The following NCS1 variants were observed in gnomAD, a reference collection of about 807,000 sequenced individuals.
NCS1 encodes the protein frequenin homolog.
In NCS1, 6 loss-of-function variants were observed where a neutral mutation model predicts 28.4. The observed-to-expected ratio is 0.21, with a 90% CI of 0.12 to 0.42. The LOEUF is 0.42. Ranked by LOEUF, NCS1 falls within the 10% of genes least tolerant of loss-of-function variation. NCS1 has a pLI of 1.00. For missense variants in NCS1, 131 were observed against 241.4 expected (o/e 0.54, Z 3.03); for synonymous variants, 86 against 99.3 (o/e 0.87, Z 0.79).
chr9:130,206,774 T>C (rs1209115080), intron 2 of NCS1, among the ~76,000 whole-genome samples: 1 of 151,934 alleles, frequency 6.6e-6, no homozygotes, highest in Non-Finnish European at 1.5e-5. Flanking sequence ...TGCCTGCCTC[T>C]CTCTTGGGAA....
chr9:130,179,181 C>A lies in NCS1; in HGVS notation c.64+6454C>A, dbSNP rs904494953. On this transcript the variant is annotated intron_variant, in intron 1 of 7. Coordinates refer to ENST00000372398, the MANE Select transcript of NCS1 (RefSeq NM_014286.4). ...CTCCTGACCTCAGGTGATTCACTCACCTTGGCCTCCCAAAGTGCTGGGATT... is the reference window on the plus strand; with the variant it reads ...CTCCTGACCTCAGGTGATTCACTCAACTTGGCCTCCCAAAGTGCTGGGATT... Among the ~76,000 whole-genome samples, 9 of 151,816 alleles carry A rather than the reference C, an allele frequency of 5.9e-5. No individual in the cohort carries two copies. The East Asian group carries it at 1.8e-3, about 30-fold the overall frequency.
chr9:130,183,310 G>GT (rs200850484), intron 1 of NCS1, among the ~76,000 whole-genome samples: 6 of 131,134 alleles, frequency 4.6e-5, no homozygotes, highest in South Asian at 4.3e-4. Flanking sequence ...TGCGGCTGGG[G>GT]GGGGGAGCTC....
intron 1 of NCS1, 102 bp downstream of exon 1, chr9:130,172,829 G>A (rs1474576082): frequency 4.4e-6 from 2 of 454,898 alleles, no homozygotes; most frequent in Non-Finnish European, 6.2e-6. Flanking sequence ...CCGCGCTGCC[G>A]CCTCCGCTCC....
chr9:130,203,887 TCC>T (rs1832990568), intron 2 of NCS1, among the ~76,000 whole-genome samples: 1 of 152,120 alleles, frequency 6.6e-6, no homozygotes, highest in Admixed American at 6.5e-5. Context: ...GTCCTCCCCT[TCC>T]CACACCTGGG....
intron 6 of NCS1, among the ~76,000 whole-genome samples, chr9:130,225,453 C>G (rs1010862485): frequency 6.6e-6 from 1 of 152,270 alleles, no homozygotes; most frequent in Non-Finnish European, 1.5e-5. Context: ...TGTGCGTCCA[C>G]GTGGCTTAAG....
At chr9:130,230,045 G>T (rs1833478133) in intron 7 of NCS1, among the ~76,000 whole-genome samples, 1 of 152,114 alleles carries the variant, frequency 6.6e-6, no homozygotes, top group Admixed American at 6.6e-5. Context: ...ATTTGGGGAA[G>T]GGATTAAAAA....
chr9:130,200,736 G>A lies in NCS1; in HGVS notation c.65-222G>A, dbSNP rs537801077. The A allele has an allele frequency of 2.5e-4, 365 of 1,443,130 alleles. 3 individuals are homozygous for A. The African/African-American group carries it at 4.6e-3, about 18-fold the overall frequency. 89.4% of individuals were successfully genotyped at this position (1,443,130 alleles called of 1,614,324 possible). The stretch of plus-strand genomic sequence containing the variant: ...CAGTGGCAGGTAGCACTTGGGCACC[G>A]GGAAGGGGTGGGGCCAGTGTCCCCT... On this transcript the variant is annotated intron_variant, in intron 1 of 7. Coordinates refer to ENST00000372398, the MANE Select transcript of NCS1 (RefSeq NM_014286.4).
chr9:130,200,547 G>A (rs994306536), intron 1 of NCS1: 84 of 1,551,314 alleles, frequency 5.4e-5, no homozygotes, highest in Non-Finnish European at 6.8e-5. Flanking sequence ...TGGGGCAGCC[G>A]AGTGCCTGGG....
intron 1 of NCS1, among the ~76,000 whole-genome samples, chr9:130,199,186 C>T (rs148312334): frequency 2.6e-4 from 39 of 152,084 alleles, no homozygotes; most frequent in African/African-American, 8.2e-4. Context: ...CTCCGCCTCC[C>T]GGGTTCAAGC....
At chr9:130,172,798 C>G in intron 1 of NCS1, 71 bp downstream of exon 1, 1 of 836,534 alleles carries the variant, frequency 1.2e-6, no homozygotes, top group Non-Finnish European at 1.6e-6. Context: ...CCCCGCCCCC[C>G]GGACCCGCGC....
rs782129069 is a variant in NCS1, at chr9:130,223,179, C to T, written c.474+20C>T. 1.2e-6 allele frequency: 2 copies of T among 1,603,756 alleles called. No homozygotes were observed. Among genetic ancestry groups the T allele is most frequent in the South Asian group, 1.1e-5 (1 of 90,792 alleles). ...GATAAGGTGAGGTGGGGGGGCGGGG[C>T]TGGTCCTGGACCAGGGAGGCAAGGT... On this transcript the variant is annotated intron_variant, in intron 6 of 7. Coordinates refer to ENST00000372398, the MANE Select transcript of NCS1 (RefSeq NM_014286.4).
At chr9:130,213,308 C>T (rs908514270) in intron 2 of NCS1, among the ~76,000 whole-genome samples, 4 of 152,172 alleles carry the variant, frequency 2.6e-5, no homozygotes, top group Admixed American at 6.5e-5. Flanking sequence ...GACGGAGTCT[C>T]GCTCTGTCCC....
chr9:130,176,196 T>TTC (rs1341450705), intron 1 of NCS1, among the ~76,000 whole-genome samples: 7 of 120,626 alleles, frequency 5.8e-5, no homozygotes, highest in Admixed American at 1.8e-4. Flanking sequence ...CTTTCTTTCT[T>TTC]TTTTTTTTTT....
intron 2 of NCS1, 94 bp downstream of exon 2, chr9:130,201,076 A>AT: frequency 1.3e-6 from 2 of 1,545,810 alleles, no homozygotes; most frequent in Middle Eastern, 1.7e-4. Context: ...GCTGCTCAGG[A>AT]TGGGGGCATG....
chr9:130,193,189 T>TGGTACC (rs1554906433), intron 1 of NCS1, among the ~76,000 whole-genome samples: 1 of 152,138 alleles, frequency 6.6e-6, no homozygotes, highest in African/African-American at 2.4e-5. Context: ...TCTCAGGAGA[T>TGGTACC]GGTACCGAGG....
intron 2 of NCS1, among the ~76,000 whole-genome samples, chr9:130,202,338 C>T (rs971418373): frequency 4.7e-5 from 7 of 150,018 alleles, no homozygotes; most frequent in Non-Finnish European, 7.4e-5. Context: ...CTGTTACCTC[C>T]TCGCCCCTCC....
Position 130,191,360 on chromosome 9 carries a change from G to A in NCS1, c.65-9598G>A, listed in dbSNP as rs1832814219. On this transcript the variant is annotated intron_variant, in intron 1 of 7. Coordinates refer to ENST00000372398, the MANE Select transcript of NCS1 (RefSeq NM_014286.4). This position sits in a 1 kb window ranked among gnomAD's most constrained non-coding sequence, Gnocchi z 6.4. Reference sequence around the variant, plus strand: ...GCCTGGCCCGAGTCTGCCCTCCGGGGCCAGGGACTCCATCTACTCGCCATT... The same window carrying A: ...GCCTGGCCCGAGTCTGCCCTCCGGGACCAGGGACTCCATCTACTCGCCATT... 6.6e-6 allele frequency among the ~76,000 whole-genome samples: 1 copy of A among 152,144 alleles called. No homozygotes were observed. The highest frequency in any genetic ancestry group is 6.5e-5 in the Admixed American group (1 of 15,280).
intron 1 of NCS1, among the ~76,000 whole-genome samples, chr9:130,174,600 C>A (rs1379691401): frequency 7.9e-5 from 12 of 151,946 alleles, no homozygotes; most frequent in African/African-American, 2.9e-4. Flanking sequence ...TTTGGGAGGC[C>A]GAGGCGGGTG....
At chr9:130,231,677 C>A (rs1554912143) in intron 7 of NCS1, among the ~76,000 whole-genome samples, 1 of 152,082 alleles carries the variant, frequency 6.6e-6, no homozygotes, top group African/African-American at 2.4e-5. Context: ...AGCCACCTCA[C>A]CTGGCCTGAG....
Sources: gnomAD v4.1 joint callset for allele counts (sites outside exome capture counted in the v4.1 genomes callset) on GRCh38, gnomAD v4.1.1 for gene constraint, Gnocchi (gnomAD v3.1) non-coding constraint, MANE v1.5 for transcripts, NCBI Gene and HGNC (gene_info 2026-07-23, HGNC 2026-07-21) for gene names.